Variants in LAMA2 observed in about 807,000 individuals in gnomAD.
LAMA2 encodes laminin subunit alpha-2.
A neutral mutation model predicts 364.8 loss-of-function variants in LAMA2; 269 were observed. The ratio of observed to expected loss-of-function variants is 0.74; its 90% CI spans 0.67 to 0.82. The LOEUF (loss-of-function observed/expected upper bound fraction) is 0.82, where lower values mean the gene tolerates loss of function less well. Ranked by LOEUF, LAMA2 falls within the 40% of genes least tolerant of loss-of-function variation. The pLI, the probability that LAMA2 is intolerant of heterozygous loss-of-function variation, is 0.00. For synonymous variants in LAMA2, 1,379 were observed against 1,370.6 expected, an observed-to-expected ratio of 1.01 and a Z score of -0.14; for missense variants, 3,807 against 3,873.2, an observed-to-expected ratio of 0.98 and a Z score of 0.45.
chr6:129,241,463 G>A (rs150259370), intron 12 of LAMA2, among the ~76,000 whole-genome samples: 4 of 152,298 alleles, frequency 2.6e-5, no homozygotes, highest in Admixed American at 1.3e-4. Context: ...TACATGTTAT[G>A]TGCTAGGTAC....
chr6:129,132,504 T>C (rs1228404246), intron 4 of LAMA2, among the ~76,000 whole-genome samples: 4 of 152,190 alleles, frequency 2.6e-5, no homozygotes, highest in African/African-American at 9.7e-5. Flanking sequence ...AAATTGGATA[T>C]GGATAAGAAT....
intron 3 of LAMA2, among the ~76,000 whole-genome samples, chr6:129,087,150 G>T (rs1774432023): frequency 6.6e-6 from 1 of 152,058 alleles, no homozygotes; most frequent in Admixed American, 6.6e-5. Flanking sequence ...ATATTCACAG[G>T]TTCCAAGAAT....
At position 128,972,623 on chromosome 6, in the gene LAMA2, A is replaced by G. The variant is rs75497084; in HGVS notation, c.113-77295A>G. ...TGGGACTAGAGTCAGGATGAGGTGG[A>G]TGAAATGCCAGGTACTTTCATCTGT... is the stretch of plus-strand genomic sequence containing the variant. On this transcript the variant is annotated intron_variant, in intron 1 of 64. Transcript: ENST00000421865. Among the ~76,000 whole-genome samples the G allele has an allele frequency of 7.0e-4, 107 of 152,268 alleles. 1 individual carries two copies. In the East Asian group the frequency reaches 0.02, roughly 28 times the overall value.
chr6:129,227,030 C>T (rs988788628), intron 12 of LAMA2, among the ~76,000 whole-genome samples: 7 of 152,128 alleles, frequency 4.6e-5, no homozygotes. Context: ...TTGTTCGTTT[C>T]CTTTTACTCT....
chr6:129,255,337 T>C (rs995743337), intron 14 of LAMA2, among the ~76,000 whole-genome samples: 4 of 129,992 alleles, frequency 3.1e-5, no homozygotes, highest in Admixed American at 1.0e-4. Flanking sequence ...ACCCGGGATG[T>C]GGAGGTTGCA....
At chr6:129,274,775 G>A (rs1233246046) in intron 17 of LAMA2, among the ~76,000 whole-genome samples, 1 of 151,928 alleles carries the variant, frequency 6.6e-6, no homozygotes, top group South Asian at 2.1e-4. Context: ...AAGTTATCTG[G>A]AGAGAAGCAA....
chr6:129,168,418 G>C (rs1779903522), intron 9 of LAMA2, among the ~76,000 whole-genome samples: 1 of 152,204 alleles, frequency 6.6e-6, no homozygotes, highest in South Asian at 2.1e-4. Flanking sequence ...TTATTAAACA[G>C]GGAATCCTTT....
chr6:129,315,733 A>G, intron 25 of LAMA2, 29 bp from the exon 26 acceptor site: 1 of 1,612,782 alleles, frequency 6.2e-7, no homozygotes, highest in Non-Finnish European at 8.5e-7. Flanking sequence ...GATTTATCCA[A>G]TTCCTCATTC....
chr6:129,262,385 G>T (rs991449434), intron 15 of LAMA2, among the ~76,000 whole-genome samples: 1 of 152,118 alleles, frequency 6.6e-6, no homozygotes, highest in Non-Finnish European at 1.5e-5. Context: ...CATTCAAAGG[G>T]ATGAGCTACT....
intron 18 of LAMA2, among the ~76,000 whole-genome samples, chr6:129,283,792 C>T (rs572238685): frequency 1.3e-5 from 2 of 152,064 alleles, no homozygotes; most frequent in East Asian, 3.9e-4. Context: ...GCTTACTATG[C>T]TCATGGGACC....
intron 13 of LAMA2, among the ~76,000 whole-genome samples, chr6:129,251,815 A>T (rs1339619866): frequency 6.6e-6 from 1 of 152,086 alleles, no homozygotes; most frequent in African/African-American, 2.4e-5. Flanking sequence ...GGCGCCTGTA[A>T]TCTCAGCTAT....
chr6:129,083,321 C>T (rs1774181739), intron 3 of LAMA2, among the ~76,000 whole-genome samples: 1 of 152,102 alleles, frequency 6.6e-6, no homozygotes, highest in Non-Finnish European at 1.5e-5. Context: ...TGTGGACTCC[C>T]TGAAATGCCA....
intron 52 of LAMA2, among the ~76,000 whole-genome samples, chr6:129,473,711 C>T (rs997908159): frequency 2.0e-4 from 31 of 151,958 alleles, no homozygotes; most frequent in African/African-American, 5.6e-4. Context: ...CTTAGTGTTC[C>T]GAAAATTAGT....
At chr6:128,967,519 T>G (rs1472066027) in intron 1 of LAMA2, among the ~76,000 whole-genome samples, 1 of 152,202 alleles carries the variant, frequency 6.6e-6, no homozygotes, top group Non-Finnish European at 1.5e-5. Context: ...TAGACATGAT[T>G]TATGTCTCAT....
At chr6:129,229,019 G>A (rs1030984750) in intron 12 of LAMA2, among the ~76,000 whole-genome samples, 1 of 152,132 alleles carries the variant, frequency 6.6e-6, no homozygotes, top group East Asian at 1.9e-4. Flanking sequence ...TGTATTCATT[G>A]ATCCTGCATA....
intron 27 of LAMA2, among the ~76,000 whole-genome samples, chr6:129,319,075 G>A (rs1015499535): frequency 6.6e-6 from 1 of 152,102 alleles, no homozygotes; most frequent in African/African-American, 2.4e-5. Flanking sequence ...TAAGTTACTT[G>A]AAGGAATTAT....
chr6:128,896,070 T>G (rs963675067), intron 1 of LAMA2, among the ~76,000 whole-genome samples: 14 of 152,290 alleles, frequency 9.2e-5, no homozygotes, highest in Non-Finnish European at 1.9e-4. Flanking sequence ...TGATTTCAGA[T>G]GTATAGATAT....
rs74935663 is a variant in LAMA2, at chr6:129,331,197, C to T, written c.4311+2785C>T. Among the ~76,000 whole-genome samples, 717 of 152,274 alleles carry T rather than the reference C, an allele frequency of 4.7e-3. 3 individuals are homozygous for T. Among genetic ancestry groups the T allele is most frequent in the African/African-American group, 0.017 (701 of 41,570 alleles). ...GGCCACCTGCACCTTCTAAGCTGAA[C>T]GTGGCTGTAGAAAAAGACAATTGTG... On this transcript the variant is annotated intron_variant, in intron 29 of 64. Coordinates refer to ENST00000421865, the MANE Select transcript of LAMA2 (RefSeq NM_000426.4).
At chr6:128,910,165 T>G (rs932527773) in intron 1 of LAMA2, among the ~76,000 whole-genome samples, 4 of 152,210 alleles carry the variant, frequency 2.6e-5, no homozygotes, top group Non-Finnish European at 5.9e-5. Context: ...CTGTATTTCC[T>G]GAATCTGAAC....
Sources: gnomAD v4.1 joint callset for allele counts (sites outside exome capture counted in the v4.1 genomes callset) on GRCh38, gnomAD v4.1.1 for gene constraint, MANE v1.5 for transcripts, NCBI Gene and HGNC (gene_info 2026-07-23, HGNC 2026-07-21) for gene names.